The following ZNF519 variants were observed in gnomAD, a reference collection of about 807,000 sequenced individuals.
The protein encoded by ZNF519 is similar to Zinc finger protein 85 (Zinc finger protein HPF4) (HTF1).
A neutral mutation model predicts 7.4 loss-of-function variants in ZNF519; 7 were observed. The ratio of observed to expected loss-of-function variants is 0.94; its 90% confidence interval spans 0.54 to 1.77. The LOEUF (loss-of-function observed/expected upper bound fraction) is 1.77. Among genes scored for constraint, ZNF519 ranks in the 40% most tolerant of loss-of-function variants. ZNF519 has a pLI of 0.00. For missense variants in ZNF519, 586 were observed against 623.1 expected, an observed-to-expected ratio of 0.94 and a Z score of 0.63; for synonymous variants, 179 against 203.3, an observed-to-expected ratio of 0.88 and a Z score of 1.02.
chr18:14,117,343 A>G (rs1488213188), intron 2 of ZNF519, among the ~76,000 whole-genome samples: 1 of 152,224 alleles, frequency 6.6e-6, no homozygotes. Flanking sequence ...TCTAGTCTTT[A>G]GAAAAATGTA....
chr18:14,109,919 C>T (rs2046212167), intron 2 of ZNF519, among the ~76,000 whole-genome samples: 2 of 152,118 alleles, frequency 1.3e-5, no homozygotes, highest in South Asian at 4.1e-4. Flanking sequence ...GGAGGCATCA[C>T]ATTACCCTAC....
At position 14,105,957 on chromosome 18, in the gene ZNF519, T is replaced by A. The variant is rs781566206; in HGVS notation, c.583A>T (p.Lys195Ter). Residue 195 changes from lysine (K) to a stop codon, truncating the protein, a stop_gained, in exon 3 of 3, where the codon AAG becomes TAG. Coordinates refer to ENST00000590202, the MANE Select transcript of ZNF519 (RefSeq NM_145287.4). LOFTEE classifies it low-confidence loss of function (END_TRUNC). ...ECEKVFYQSS[K>*]LIFPENIHIQ... Reference sequence around the variant, plus strand: ...TGGATATTTTCAGGGAAAATAAGCTTTGAGGATTGGTAAAATACTTTTTCA... The same window carrying A: ...TGGATATTTTCAGGGAAAATAAGCTATGAGGATTGGTAAAATACTTTTTCA... The A allele has an allele frequency of 2.5e-6, 4 of 1,604,294 alleles. No individual in the cohort carries two copies. Among genetic ancestry groups the A allele is most frequent in the Non-Finnish European group, 1.7e-6 (2 of 1,174,308 alleles).
chr18:14,081,359 A>G (rs1473304082), intron 3 of ZNF519, among the ~76,000 whole-genome samples: 1 of 151,898 alleles, frequency 6.6e-6, no homozygotes, highest in African/African-American at 2.4e-5. Context: ...TAAACTGTGC[A>G]TATTTAGGAA....
chr18:14,106,875 A>C (rs2046195936), intron 2 of ZNF519, among the ~76,000 whole-genome samples: 1 of 152,156 alleles, frequency 6.6e-6, no homozygotes, highest in Non-Finnish European at 1.5e-5. Context: ...GAATGCACTC[A>C]GCTGACGCCT....
At chr18:14,099,384 G>A (rs2046150325), downstream of ZNF519, among the ~76,000 whole-genome samples, 1 of 152,106 alleles carries the variant, frequency 6.6e-6, no homozygotes, top group African/African-American at 2.4e-5. Context: ...TCATCTTTTA[G>A]CTCTAGTAGC....
In ZNF519 at chr18:14,101,336, A is replaced by C. The variant is rs2046159612; in HGVS notation, c.*3581T>G. The C allele has an allele frequency of 5.4e-6, 1 of 184,432 alleles. No homozygotes were observed. The highest frequency in any genetic ancestry group is 1.1e-5 in the Non-Finnish European group (1 of 89,602). The allele number at this position is 184,432 out of a possible 1,614,324, so 11.4% of individuals were successfully genotyped here. A position where few individuals can be genotyped will look rare whatever the true frequency, so the allele number is the denominator to read the frequency against. On this transcript the variant is annotated 3_prime_UTR_variant, in exon 3 of 3. Transcript: ENST00000590202. ...AGATTTAGGGCTGATTTATTTCCGC[A>C]CTCAGAGGGATAAAGGGGGGCCAAT...
intron 2 of ZNF519, among the ~76,000 whole-genome samples, chr18:14,113,396 C>G (rs1306495737): frequency 6.6e-6 from 1 of 152,186 alleles, no homozygotes; most frequent in Non-Finnish European, 1.5e-5. Flanking sequence ...AACTCCCTCC[C>G]TGCTTTGAGT....
intron 1 of ZNF519, among the ~76,000 whole-genome samples, chr18:14,127,318 C>A (rs1192197339): frequency 1.3e-5 from 2 of 152,178 alleles, no homozygotes; most frequent in Non-Finnish European, 2.9e-5. Flanking sequence ...CAGAAAATGT[C>A]TTCTGTGAGT....
At chr18:14,091,659 A>G (rs1423701907) in intron 2 of ZNF519, among the ~76,000 whole-genome samples, 1 of 152,156 alleles carries the variant, frequency 6.6e-6, no homozygotes, top group African/African-American at 2.4e-5. Flanking sequence ...AAACAATATT[A>G]TTAAATAAAG....
At chr18:14,095,741 A>C (rs1380783585), downstream of ZNF519, among the ~76,000 whole-genome samples, 1 of 152,196 alleles carries the variant, frequency 6.6e-6, no homozygotes, top group African/African-American at 2.4e-5. Flanking sequence ...GAGCTGTAAG[A>C]CAAAGTCCTG....
intron 2 of ZNF519, among the ~76,000 whole-genome samples, chr18:14,094,555 A>T (rs2046127223): frequency 1.3e-5 from 2 of 151,988 alleles, no homozygotes; most frequent in Admixed American, 1.3e-4. Flanking sequence ...TGTGTCCTTC[A>T]TTCTGCTGAT....
At chr18:14,117,199 G>T (rs1445570387) in intron 2 of ZNF519, among the ~76,000 whole-genome samples, 1 of 152,142 alleles carries the variant, frequency 6.6e-6, no homozygotes, top group African/African-American at 2.4e-5. Flanking sequence ...ATGTTTGACA[G>T]AAGTTAACAC....
chr18:14,119,484 T>C (rs1301345703), intron 2 of ZNF519, among the ~76,000 whole-genome samples: 3 of 152,160 alleles, frequency 2.0e-5, no homozygotes, highest in African/African-American at 7.2e-5. Flanking sequence ...GGCTCTCCCG[T>C]TTGGAAAAGA....
Position 14,124,202 on chromosome 18 carries a change from T to G in ZNF519, c.130+148A>C, listed in dbSNP as rs537423984. 108 of 739,990 alleles carry G rather than the reference T, an allele frequency of 1.5e-4. No homozygotes were observed. In the African/African-American group the frequency reaches 1.6e-3, roughly 11 times the overall value. The allele number at this position is 739,990 out of a possible 1,614,324, so 45.8% of individuals were successfully genotyped here. ...TAAAAAAAAAAAAAAAAGATTTTCTTTTTTACACTAGCAAACTCCCATTTT... is the reference window on the plus strand; with the variant it reads ...TAAAAAAAAAAAAAAAAGATTTTCTGTTTTACACTAGCAAACTCCCATTTT... On this transcript the variant is annotated intron_variant, in intron 2 of 2. Transcript: ENST00000590202.
At chr18:14,132,081 C>A (rs1370658100) in intron 1 of ZNF519, among the ~76,000 whole-genome samples, 194 bp downstream of exon 1, 1 of 152,084 alleles carries the variant, frequency 6.6e-6, no homozygotes, top group African/African-American at 2.4e-5. Flanking sequence ...CGCAGAGCTG[C>A]GCAAAGAGGG....
At chr18:14,110,032 CCAAATACAGG>C (rs2046212637) in intron 2 of ZNF519, among the ~76,000 whole-genome samples, 1 of 152,028 alleles carries the variant, frequency 6.6e-6, no homozygotes, top group African/African-American at 2.4e-5. Flanking sequence ...AGAAATTAAG[CCAAATACAGG>C]CAACTCATCT....
chr18:14,106,498 A>ATGTTCTCAGCTTG, intron 2 of ZNF519, 89 bp from the exon 3 acceptor site: 1 of 1,173,924 alleles, frequency 8.5e-7, no homozygotes, highest in Non-Finnish European at 1.2e-6. Context: ...TGCCAAGCTG[A>ATGTTCTCAGCTTG]GAACATCAGC....
chr18:14,094,694 ATTT>A (rs977267821), intron 2 of ZNF519, among the ~76,000 whole-genome samples: 25 of 152,062 alleles, frequency 1.6e-4, no homozygotes, highest in Non-Finnish European at 2.8e-4. Context: ...TTTTGTGAGA[ATTT>A]TTTAAAATTT....
At position 14,105,482 on chromosome 18, in the gene ZNF519, C is replaced by T; in HGVS notation, c.1058G>A (p.Cys353Tyr). ...TGACCCCCTGTTAAAGGCTTTGCCA[C>T]ATTCTTCACATTTGAAAGCTCTCTC... ...TGERAFKCEE[C>Y]GKAFNRGSYL... Residue 353 changes from cysteine to tyrosine, a missense_variant, in exon 3 of 3, where the codon TGT (cysteine) becomes TAT (tyrosine). Cys to Tyr is a radical substitution (Grantham distance 194). Transcript: ENST00000590202. 1 of 1,613,912 alleles carries T rather than the reference C, an allele frequency of 6.2e-7. No individual in the cohort carries two copies. The highest frequency in any genetic ancestry group is 8.5e-7 in the Non-Finnish European group (1 of 1,179,962).
Sources: gnomAD v4.1 joint callset for allele counts (sites outside exome capture counted in the v4.1 genomes callset) on GRCh38, gnomAD v4.1.1 for gene constraint, MANE v1.5 for transcripts, NCBI Gene and HGNC (gene_info 2026-07-23, HGNC 2026-07-21) for gene names.